HSPA9: variants seen among roughly 807,000 people sequenced by gnomAD.
HSPA9 encodes stress-70 protein, mitochondrial.
A neutral mutation model predicts 81.5 loss-of-function variants in HSPA9; 28 were observed. The observed-to-expected ratio is 0.34, with a 90% CI of 0.25 to 0.47. HSPA9 has a LOEUF of 0.47. Ranked by LOEUF, HSPA9 falls within the 20% of genes least tolerant of loss-of-function variation. HSPA9 has a pLI of 1.00. For missense variants in HSPA9, 678 were observed against 838.0 expected (o/e 0.81, Z 2.36); for synonymous variants, 293 against 290.4 (o/e 1.01, Z -0.09).
chr5:138,574,275 T>G (rs1751030600), intron 1 of HSPA9, 149 bp from the exon 2 acceptor site: 2 of 678,192 alleles, frequency 2.9e-6, no homozygotes. Context: ...CGAAAAAAGG[T>G]AAATAAAAGA....
chr5:138,560,764 G>A (rs893159765), intron 10 of HSPA9: 4 of 346,302 alleles, frequency 1.2e-5, no homozygotes, highest in African/African-American at 6.5e-5. Flanking sequence ...TAGCCAGGAT[G>A]GTCTCGATCT....
intron 5 of HSPA9, among the ~76,000 whole-genome samples, chr5:138,568,235 G>A (rs1421228540): frequency 6.6e-6 from 1 of 151,262 alleles, no homozygotes; most frequent in Non-Finnish European, 1.5e-5. Flanking sequence ...GGTGGCTCAT[G>A]CCTGTAATCC....
chr5:138,566,290 C>G (rs984240256), intron 9 of HSPA9, among the ~76,000 whole-genome samples: 1 of 150,610 alleles, frequency 6.6e-6, no homozygotes, highest in Middle Eastern at 3.4e-3. Flanking sequence ...TTTTTCCAAG[C>G]TAGTAATTCT....
In HSPA9 at chr5:138,556,962, T is replaced by A. The variant is rs903899074; in HGVS notation, c.1729-96A>T. 3 of 871,220 alleles carry A rather than the reference T, an allele frequency of 3.4e-6. No individual in the cohort carries two copies. In the African/African-American group the frequency reaches 4.9e-5, roughly 14 times the overall value. 54.0% of individuals were successfully genotyped at this position (871,220 alleles called of 1,614,324 possible). A position where few individuals can be genotyped will look rare whatever the true frequency, so the allele number is the denominator to read the frequency against. On this transcript the variant is annotated intron_variant, in intron 14 of 16. Coordinates refer to ENST00000297185, the MANE Select transcript of HSPA9 (RefSeq NM_004134.7). ...CAATAAGCTATGTGTTACATACAGTTACAGATAAAAATAGAGTAAGAGGGA... is the reference window on the plus strand; with the variant it reads ...CAATAAGCTATGTGTTACATACAGTAACAGATAAAAATAGAGTAAGAGGGA...
At chr5:138,560,439 A>C (rs256004) in intron 10 of HSPA9, among the ~76,000 whole-genome samples, 8,430 of 152,328 alleles carry the variant, frequency 0.055, 301 homozygotes, top group African/African-American at 0.1. Flanking sequence ...ATTATCAACT[A>C]AAGACCAAAT....
In HSPA9 at chr5:138,555,731, A is replaced by G; in HGVS notation, c.*306T>C. The G allele has an allele frequency of 2.5e-6, 1 of 403,124 alleles. No individual in the cohort carries two copies. The highest frequency in any genetic ancestry group is 4.6e-6 in the Non-Finnish European group (1 of 216,164). 25.0% of individuals were successfully genotyped at this position (403,124 alleles called of 1,614,324 possible). ...GTGCGAGATGGTTTCACCCCTTGAAAATATGGTCACTTCAGCATAAAATAG... is the reference window on the plus strand; with the variant it reads ...GTGCGAGATGGTTTCACCCCTTGAAGATATGGTCACTTCAGCATAAAATAG... On this transcript the variant is annotated 3_prime_UTR_variant, in exon 17 of 17. Transcript: ENST00000297185.
rs1283153643 is a variant in HSPA9 at position 138,571,050 on chromosome 5, C to T, written c.320G>A (p.Arg107Gln). Reference protein sequence around the residue: ...GERLVGMPAKRQAVTNPNNTF... With the variant: ...GERLVGMPAKQQAVTNPNNTF... The stretch of plus-strand genomic sequence containing the variant: ...ATTGTTTGGGTTGGTGACAGCCTGT[C>T]GCTTGGCCGGCATTCCAACAAGTCG... Residue 107 changes from arginine to glutamine, a missense_variant, in exon 4 of 17, where the codon CGA becomes CAA. Arg to Gln is a conservative substitution (Grantham distance 43). Coordinates refer to ENST00000297185, the MANE Select transcript of HSPA9 (RefSeq NM_004134.7). 3.1e-6 allele frequency: 5 copies of T among 1,614,042 alleles called. No individual in the cohort carries two copies. Among genetic ancestry groups the T allele is most frequent in the Non-Finnish European group, 3.4e-6 (4 of 1,180,040 alleles).
At position 138,557,463 on chromosome 5, in the gene HSPA9, T is replaced by C; in HGVS notation, c.1667A>G (p.Asp556Gly). The C allele has an allele frequency of 6.2e-7, 1 of 1,609,978 alleles. No individual in the cohort carries two copies. Among genetic ancestry groups the C allele is most frequent in the Non-Finnish European group, 8.5e-7 (1 of 1,176,804 alleles). Residue 556 changes from aspartate to glycine, a missense_variant, in exon 14 of 17, where the codon GAT (aspartate) becomes GGT (glycine). Asp to Gly is a moderately conservative substitution (Grantham distance 94). This residue lies in a region of HSPA9 where 484 missense variants were observed against 647.5 expected (regional missense o/e 0.75). Transcript: ENST00000297185. ...ATTTTTAACCATATTTTCAATATCA[T>C]CTTTGCTTAATCCACCAGAAGACTG... ...VIQSSGGLSK[D>G]DIENMVKNAE... is the part of the protein sequence containing the mutation.
At chr5:138,569,309 C>T (rs908340641) in intron 4 of HSPA9, among the ~76,000 whole-genome samples, 1 of 152,132 alleles carries the variant, frequency 6.6e-6, no homozygotes, top group Non-Finnish European at 1.5e-5. Flanking sequence ...CTTTATTTAG[C>T]GCCCCAGGCA....
At chr5:138,565,046 AT>A (rs1283599366) in intron 9 of HSPA9, among the ~76,000 whole-genome samples, 1 of 152,238 alleles carries the variant, frequency 6.6e-6, no homozygotes, top group Non-Finnish European at 1.5e-5. Flanking sequence ...CTAAGAATTT[AT>A]TCTATAGATT....
In HSPA9 at chr5:138,554,737, A is replaced by G. The variant is rs955690682; in HGVS notation, c.*1300T>C. On this transcript the variant is annotated 3_prime_UTR_variant, in exon 17 of 17. Transcript: ENST00000297185. ...ACATTCATCCATGAAACATAAGGGA[A>G]ATGTGCTGGAAGACTTTTGGGAAAT... The G allele has an allele frequency of 6.6e-6, 1 of 152,224 alleles. No individual in the cohort carries two copies. The highest frequency in any genetic ancestry group is 6.5e-5 in the Admixed American group (1 of 15,282). 9.4% of individuals were successfully genotyped at this position (152,224 alleles called of 1,614,324 possible). A position where few individuals can be genotyped will look rare whatever the true frequency, so the allele number is the denominator to read the frequency against.
chr5:138,555,503 TAATATA>T lies in HSPA9; in HGVS notation c.*528_*533del, dbSNP rs1319214873. On this transcript the variant is annotated 3_prime_UTR_variant, in exon 17 of 17. Coordinates refer to ENST00000297185, the MANE Select transcript of HSPA9 (RefSeq NM_004134.7). Reference sequence around the variant, plus strand: ...CCTACCTTGTTTTAATAGCTGTACCTAATATAAATAGCTAAGTTTCCCATTGTTCTA... The same window carrying T: ...CCTACCTTGTTTTAATAGCTGTACCTAATAGCTAAGTTTCCCATTGTTCTA... The T allele has an allele frequency of 5.9e-6, 1 of 170,492 alleles. No homozygotes were observed. Among genetic ancestry groups the T allele is most frequent in the Non-Finnish European group, 1.3e-5 (1 of 78,336 alleles). 10.6% of individuals were successfully genotyped at this position (170,492 alleles called of 1,614,324 possible).
At chr5:138,572,135 G>T (rs1298280542) in intron 3 of HSPA9, among the ~76,000 whole-genome samples, 1 of 151,776 alleles carries the variant, frequency 6.6e-6, no homozygotes. Context: ...TTTTTGTAGA[G>T]ACAGTGTTTT....
At position 138,575,387 on chromosome 5, in the gene HSPA9, G is replaced by A. The variant is rs749980303; in HGVS notation, c.-69C>T. On this transcript the variant is annotated 5_prime_UTR_variant, in exon 1 of 17. Coordinates refer to ENST00000297185, the MANE Select transcript of HSPA9 (RefSeq NM_004134.7). ...ACGGCAAAGAGCTGCGCGATGCGGT[G>A]GCGGCAGCGCTTCTGGAAACCTCCA... is the stretch of plus-strand genomic sequence containing the variant. 14 of 1,357,090 alleles carry A rather than the reference G, an allele frequency of 1.0e-5. No homozygotes were observed. The East Asian group carries it at 1.4e-4, about 13-fold the overall frequency. The allele number at this position is 1,357,090 out of a possible 1,614,324, so 84.1% of individuals were successfully genotyped here.
chr5:138,571,237 A>G, intron 3 of HSPA9, 96 bp from the exon 4 acceptor site: 1 of 1,270,886 alleles, frequency 7.9e-7, no homozygotes, highest in Non-Finnish European at 1.1e-6. Context: ...CTGGAGTACA[A>G]TGGCACAATC....
At chr5:138,568,126 A>G (rs899721183) in intron 5 of HSPA9, among the ~76,000 whole-genome samples, 20 of 149,352 alleles carry the variant, frequency 1.3e-4, no homozygotes, top group Non-Finnish European at 2.1e-4. Context: ...CGGAGGTTGC[A>G]GTGAGACAAG....
intron 2 of HSPA9, 58 bp from the exon 3 acceptor site, chr5:138,573,908 TG>T: frequency 1.4e-6 from 2 of 1,380,518 alleles, no homozygotes; most frequent in Non-Finnish European, 2.1e-6. Context: ...CCAAAGTCAC[TG>T]GAAGATAATA....
intron 9 of HSPA9, among the ~76,000 whole-genome samples, chr5:138,562,551 CA>C (rs1480857991): frequency 6.6e-6 from 1 of 151,130 alleles, no homozygotes; most frequent in Non-Finnish European, 1.5e-5. Flanking sequence ...AACTCCGTCT[CA>C]AAAAAACAAA....
intron 10 of HSPA9, chr5:138,560,736 GA>G: frequency 3.5e-6 from 1 of 283,016 alleles, no homozygotes; most frequent in Non-Finnish European, 7.1e-6. Flanking sequence ...TTTTAGTAGA[GA>G]CAGGGTTTCA....
Sources: gnomAD v4.1 joint callset for allele counts (sites outside exome capture counted in the v4.1 genomes callset) on GRCh38, gnomAD v4.1.1 for gene constraint, gnomAD v4.1.1 regional missense constraint, MANE v1.5 for transcripts, NCBI Gene and HGNC (gene_info 2026-07-23, HGNC 2026-07-21) for gene names.